The following TJP1 variants were observed in gnomAD, a reference collection of about 807,000 sequenced individuals.
TJP1 encodes the protein tight junction protein ZO-1.
A neutral mutation model predicts 194.2 loss-of-function variants in TJP1; 43 were observed. The observed-to-expected ratio is 0.22, with a 90% CI of 0.17 to 0.29. TJP1 has a LOEUF of 0.29. Ranked by LOEUF, TJP1 falls within the 10% of genes least tolerant of loss-of-function variation. The pLI, the probability that TJP1 is intolerant of heterozygous loss-of-function variation, is 1.00. For missense variants in TJP1, 1,971 were observed against 2,185.7 expected (o/e 0.90, Z 1.96); for synonymous variants, 801 against 779.0 (o/e 1.03, Z -0.47).
At chr15:29,843,778 C>A (rs2051313127) in intron 2 of TJP1, among the ~76,000 whole-genome samples, 2 of 152,092 alleles carry the variant, frequency 1.3e-5, no homozygotes, top group South Asian at 4.1e-4. Context: ...GGGGACGGCT[C>A]AATCTATGGA....
chr15:29,949,968 C>A (rs1199186824), intron 2 of TJP1, among the ~76,000 whole-genome samples: 3 of 41,316 alleles, frequency 7.3e-5, no homozygotes, highest in Non-Finnish European at 1.1e-4. Context: ...ACCTCCACCA[C>A]AACCATCTTC....
chr15:29,959,710 T>A (rs16954878), intron 1 of TJP1, among the ~76,000 whole-genome samples: 1,908 of 152,302 alleles, frequency 0.013, 29 homozygotes, highest in African/African-American at 0.044. Context: ...GTCCTCAAAA[T>A]TACGGGTCCA....
intron 18 of TJP1, among the ~76,000 whole-genome samples, chr15:29,721,435 C>T (rs1046205224): frequency 1.3e-5 from 2 of 152,126 alleles, no homozygotes; most frequent in African/African-American, 4.8e-5. Context: ...CCTTCCGCCA[C>T]GATTGTAAGT....
Position 29,718,835 on chromosome 15 carries a change from G to C in TJP1, c.3307C>G (p.Arg1103Gly). 1 of 1,614,186 alleles carries C rather than the reference G, an allele frequency of 6.2e-7. No individual in the cohort carries two copies. The highest frequency in any genetic ancestry group is 8.5e-7 in the Non-Finnish European group (1 of 1,180,042). The change falls in exon 21 of 28, where the codon CGG becomes GGG. Residue 1103 changes from arginine (R) to glycine (G), a missense_variant. This residue lies in a region of TJP1 where 1,108 missense variants were observed against 1,128.5 expected (regional missense o/e 0.98). Transcript: ENST00000614355. ...GAGTGCTGATTATCAAAAGGTGGCC[G>C]AGATGGGTAGGGCTGTTTGTCATCA... ...YYDDKQPYPSRPPFDNQHSQD... is the reference protein window; with the variant it reads ...YYDDKQPYPSGPPFDNQHSQD...
At chr15:29,864,836 G>T (rs1458322754) in intron 2 of TJP1, among the ~76,000 whole-genome samples, 1 of 152,146 alleles carries the variant, frequency 6.6e-6, no homozygotes, top group East Asian at 1.9e-4. Flanking sequence ...GCCTTACTCA[G>T]TACTGAGGGT....
intron 2 of TJP1, among the ~76,000 whole-genome samples, chr15:29,833,069 G>A (rs1235088581): frequency 6.6e-6 from 1 of 152,104 alleles, no homozygotes; most frequent in Non-Finnish European, 1.5e-5. Flanking sequence ...CTTGCCAAAG[G>A]TTTTTGCTTG....
At chr15:29,848,725 G>A (rs1025164323) in intron 2 of TJP1, among the ~76,000 whole-genome samples, 1 of 152,132 alleles carries the variant, frequency 6.6e-6, no homozygotes, top group Non-Finnish European at 1.5e-5. Context: ...TGGGCATGGT[G>A]GCATGTGCCT....
intron 2 of TJP1, among the ~76,000 whole-genome samples, chr15:29,922,106 C>T (rs1596262711): frequency 6.6e-6 from 1 of 152,150 alleles, no homozygotes; most frequent in Admixed American, 6.5e-5. Flanking sequence ...CCTAGGCTCC[C>T]AAAGTGTCGG....
intron 8 of TJP1, among the ~76,000 whole-genome samples, chr15:29,756,337 C>G (rs1337737668): frequency 6.6e-6 from 1 of 152,196 alleles, no homozygotes. Flanking sequence ...AATTATTTTC[C>G]CTATGTATAT....
At position 29,762,445 on chromosome 15, in the gene TJP1, T is replaced by C. The variant is rs370082026; in HGVS notation, c.590-7A>G. ...GCCAATCGAAGACCATATTCTGAAA[T>C]AATGTAAGTAAGTGTTTTTAGTATA... On this transcript the variant is annotated splice_region_variant and splice_polypyrimidine_tract_variant and intron_variant, in intron 5 of 27. Transcript: ENST00000614355. The C allele has an allele frequency of 3.1e-5, 50 of 1,605,912 alleles. No homozygotes were observed. The African/African-American group carries it at 6.2e-4, about 20-fold the overall frequency.
intron 2 of TJP1, among the ~76,000 whole-genome samples, chr15:29,930,414 A>T (rs2054668839): frequency 6.6e-6 from 1 of 152,242 alleles, no homozygotes; most frequent in South Asian, 2.1e-4. Context: ...AAACAATATC[A>T]TACTAGAAAA....
At chr15:29,956,254 C>T (rs1488647212) in exon 2 of TJP1, 23 of 1,287,562 alleles carry the variant, frequency 1.8e-5, no homozygotes, top group Middle Eastern at 2.1e-4. Context: ...GAAATCCATG[C>T]TATCAAGGCT....
intron 24 of TJP1, among the ~76,000 whole-genome samples, 173 bp downstream of exon 24, chr15:29,710,658 G>A (rs2042184773): frequency 6.6e-6 from 1 of 152,094 alleles, no homozygotes. Flanking sequence ...CCAAAATAAT[G>A]GTCTTGTAAA....
At chr15:29,951,960 A>C (rs57326550) in intron 2 of TJP1, among the ~76,000 whole-genome samples, 14,802 of 152,258 alleles carry the variant, frequency 0.097, 861 homozygotes, top group South Asian at 0.16. Flanking sequence ...TTAATAAAAG[A>C]AGCTGCAAAA....
intron 2 of TJP1, among the ~76,000 whole-genome samples, chr15:29,829,279 C>T (rs1487948276): frequency 2.6e-5 from 4 of 152,142 alleles, no homozygotes. Context: ...TGTTTTAACT[C>T]TTTAATTTCT....
chr15:29,705,852 A>G, intron 25 of TJP1, 107 bp from the exon 26 acceptor site: 1 of 919,360 alleles, frequency 1.1e-6, no homozygotes. Context: ...CCATATAATC[A>G]AGAAGTTACT....
intron 23 of TJP1, 101 bp from the exon 24 acceptor site, chr15:29,711,101 A>T: frequency 7.3e-7 from 1 of 1,360,956 alleles, no homozygotes; most frequent in African/African-American, 1.5e-5. Flanking sequence ...AAAAAAAACT[A>T]GAAATTTCAC....
intron 4 of TJP1, among the ~76,000 whole-genome samples, chr15:29,769,132 A>G (rs2046499296): frequency 6.6e-6 from 1 of 152,250 alleles, no homozygotes; most frequent in South Asian, 2.1e-4. Flanking sequence ...GGTATGTATG[A>G]CAAAAGGCTA....
chr15:29,790,781 T>C (rs1302941311), intron 2 of TJP1, among the ~76,000 whole-genome samples: 1 of 148,466 alleles, frequency 6.7e-6, no homozygotes, highest in Non-Finnish European at 1.5e-5. Flanking sequence ...TTCCCACGAG[T>C]GAGAAAATGT....
Sources: allele counts gnomAD v4.1 joint callset (sites outside exome capture counted in the v4.1 genomes callset), GRCh38; gene constraint gnomAD v4.1.1; regional missense constraint gnomAD v4.1.1; transcripts MANE v1.5; gene names NCBI Gene and HGNC (gene_info 2026-07-23, HGNC 2026-07-21).